Variants in CDH4 observed in about 807,000 individuals in gnomAD.
CDH4 encodes cadherin 4, also known as cadherin-4.
Under a neutral mutation model 86.0 loss-of-function variants are expected in CDH4, and 33 were observed. The observed-to-expected ratio is 0.38, with a 90% CI of 0.29 to 0.51. The LOEUF is 0.51. Among genes scored for constraint, CDH4 ranks in the 20% least tolerant of loss-of-function variants. The probability of loss-of-function intolerance (pLI) is 0.86; values close to 1 mark genes in which losing one functional copy is unlikely to be tolerated. For synonymous variants in CDH4, 555 were observed against 549.4 expected (o/e 1.01, Z -0.14); for missense variants, 1,114 against 1,307.4 (o/e 0.85, Z 2.28).
chr20:61,608,976 C>T (rs1417045845), intron 2 of CDH4, among the ~76,000 whole-genome samples: 8 of 152,190 alleles, frequency 5.3e-5, no homozygotes, highest in Admixed American at 1.3e-4. Flanking sequence ...TGCAGCCTCA[C>T]GTCTCCGGGA....
intron 2 of CDH4, among the ~76,000 whole-genome samples, chr20:61,580,988 C>G (rs969668965): frequency 6.6e-6 from 1 of 152,196 alleles, no homozygotes; most frequent in African/African-American, 2.4e-5. Context: ...GATTCCAGAC[C>G]TCATGAGCAT....
rs554411014 is a variant in CDH4, at chr20:61,749,920, G to C, written c.396+6131G>C. On this transcript the variant is annotated intron_variant, in intron 3 of 15. Transcript: ENST00000614565. ...TACTAAACATGCAAAAGTTAGCCAG[G>C]CATGGTGGCACGCCCCTGTAATCCC... Among the ~76,000 whole-genome samples, 428 of 152,266 alleles carry C rather than the reference G, an allele frequency of 2.8e-3. 1 individual carries two copies. Among genetic ancestry groups the C allele is most frequent in the South Asian group, 5.4e-3 (26 of 4,830 alleles).
At chr20:61,730,219 ACAAATGCATGGTGGGTTTGGAC>A (rs1359313306) in intron 2 of CDH4, among the ~76,000 whole-genome samples, 12 of 152,006 alleles carry the variant, frequency 7.9e-5, no homozygotes, top group Non-Finnish European at 1.5e-5. Flanking sequence ...GTGGGTTTGG[ACAAATGCATGGTGGGTTTGGAC>A]CAAATGCATG....
At chr20:61,884,176 G>A (rs931149186) in intron 7 of CDH4, among the ~76,000 whole-genome samples, 2 of 152,196 alleles carry the variant, frequency 1.3e-5, no homozygotes, top group African/African-American at 2.4e-5. Flanking sequence ...GTGGGGCGCA[G>A]TGCAGAGGCT....
rs1463470714 is a variant in CDH4, at chr20:61,393,268, C to T, written c.169+138331C>T. Among the ~76,000 whole-genome samples the T allele has an allele frequency of 2.0e-5, 3 of 152,098 alleles. No individual in the cohort carries two copies. Among genetic ancestry groups the T allele is most frequent in the Non-Finnish European group, 4.4e-5 (3 of 68,020 alleles). ...TTCCCTCCAACAAGAGGCCATCTCA[C>T]GGGCGAGCCCACACACCTGGAGAGA... On this transcript the variant is annotated intron_variant, in intron 2 of 15. Transcript: ENST00000614565. The surrounding 1 kb of genome is among the most constrained non-coding windows in gnomAD (Gnocchi z 4.3).
chr20:61,765,185 C>T (rs2088683728), intron 3 of CDH4, among the ~76,000 whole-genome samples: 1 of 152,144 alleles, frequency 6.6e-6, no homozygotes, highest in South Asian at 2.1e-4. Flanking sequence ...GGCCCCTAGA[C>T]AAGTTCATCT....
In CDH4 at chr20:61,629,828, C is replaced by T. The variant is rs541712891; in HGVS notation, c.170-113735C>T. Among the ~76,000 whole-genome samples, 40 of 152,294 alleles carry T rather than the reference C, an allele frequency of 2.6e-4. No homozygotes were observed. In the South Asian group the frequency reaches 7.9e-3, roughly 30 times the overall value. ...CTCCCTGCAGCCTGGAGCCTGAGTC[C>T]GATGCGGCGCCTTCCTTAGATGGTC... On this transcript the variant is annotated intron_variant, in intron 2 of 15. Coordinates refer to ENST00000614565, the MANE Select transcript of CDH4 (RefSeq NM_001794.5).
chr20:61,434,204 G>T (rs1261257763), intron 2 of CDH4, among the ~76,000 whole-genome samples: 1 of 152,222 alleles, frequency 6.6e-6, no homozygotes, highest in Non-Finnish European at 1.5e-5. Flanking sequence ...TAATGGCCCA[G>T]TGGAGGGGCT....
intron 2 of CDH4, among the ~76,000 whole-genome samples, chr20:61,649,405 C>T (rs1253602007): frequency 1.3e-5 from 2 of 152,234 alleles, no homozygotes; most frequent in Admixed American, 1.3e-4. Context: ...TTTGTACTTT[C>T]TCCCTCACTT....
At chr20:61,296,201 TGAGA>T (rs894738960) in intron 2 of CDH4, among the ~76,000 whole-genome samples, 2 of 151,490 alleles carry the variant, frequency 1.3e-5, no homozygotes, top group Non-Finnish European at 2.9e-5. Context: ...TGTGTGTGTG[TGAGA>T]GAGAGACCTT....
At chr20:61,891,642 G>A (rs1238110901) in intron 7 of CDH4, among the ~76,000 whole-genome samples, 2 of 152,208 alleles carry the variant, frequency 1.3e-5, no homozygotes, top group East Asian at 1.9e-4. Flanking sequence ...GGGCCCAGGA[G>A]CCAGCGCCCC....
At chr20:61,658,463 G>A (rs943188486) in intron 2 of CDH4, among the ~76,000 whole-genome samples, 30 of 152,200 alleles carry the variant, frequency 2.0e-4, no homozygotes, top group African/African-American at 6.8e-4. Context: ...CTTCCACTTG[G>A]GGTGCTCTGA....
intron 2 of CDH4, among the ~76,000 whole-genome samples, chr20:61,656,932 T>C (rs6089456): frequency 0.36 from 55,360 of 151,958 alleles, 10,229 homozygotes; most frequent in East Asian, 0.57. Context: ...CTCCATGTTG[T>C]CACTGCCCAG....
chr20:61,296,451 G>T (rs1803824585), intron 2 of CDH4, among the ~76,000 whole-genome samples: 1 of 151,720 alleles, frequency 6.6e-6, no homozygotes, highest in African/African-American at 2.4e-5. Context: ...GCCTGACCCT[G>T]GATCTCAAAG....
intron 2 of CDH4, among the ~76,000 whole-genome samples, chr20:61,683,950 G>A (rs997373680): frequency 1.4e-4 from 22 of 152,338 alleles, no homozygotes; most frequent in African/African-American, 5.3e-4. Flanking sequence ...CTGGCGGTGG[G>A]TGAGACTGTA....
At chr20:61,445,227 T>C (rs1312124209) in intron 2 of CDH4, among the ~76,000 whole-genome samples, 2 of 152,098 alleles carry the variant, frequency 1.3e-5, no homozygotes, top group Non-Finnish European at 2.9e-5. Flanking sequence ...TCAATGGAGC[T>C]GGGGGACCCC....
chr20:61,458,351 C>CT (rs529345566), intron 2 of CDH4, among the ~76,000 whole-genome samples: 30 of 139,806 alleles, frequency 2.1e-4, no homozygotes, highest in Non-Finnish European at 3.5e-4. Context: ...GAGGGCAGTG[C>CT]TGACGCTGTG....
Position 61,510,980 on chromosome 20 carries a change from CT to C in CDH4, c.170-232578del, listed in dbSNP as rs1020669944. Among the ~76,000 whole-genome samples, 1 of 152,066 alleles carries C rather than the reference CT, an allele frequency of 6.6e-6. No homozygotes were observed. The highest frequency in any genetic ancestry group is 1.5e-5 in the Non-Finnish European group (1 of 68,010). ...GAAAGTTGGGGGCGGCTGTCTCACA[CT>C]TTTTAATAACCAGATTCCCTGTGAA... is the stretch of plus-strand genomic sequence containing the variant. On this transcript the variant is annotated intron_variant, in intron 2 of 15. Coordinates refer to ENST00000614565, the MANE Select transcript of CDH4 (RefSeq NM_001794.5). The surrounding 1 kb of genome is among the most constrained non-coding windows in gnomAD (Gnocchi z 4.2).
chr20:61,495,214 G>T (rs1315885136), intron 2 of CDH4, among the ~76,000 whole-genome samples: 2 of 152,250 alleles, frequency 1.3e-5, no homozygotes, highest in East Asian at 3.9e-4. Flanking sequence ...AGTCTGTGAT[G>T]TGTCAGGCAT....
Sources: allele counts gnomAD v4.1 joint callset (sites outside exome capture counted in the v4.1 genomes callset), GRCh38; gene constraint gnomAD v4.1.1; non-coding constraint Gnocchi (gnomAD v3.1); transcripts MANE v1.5; gene names NCBI Gene and HGNC (gene_info 2026-07-23, HGNC 2026-07-21).